MYO5B: variants seen among roughly 807,000 people sequenced by gnomAD.
MYO5B encodes the protein myosin VB, also known as unconventional myosin-Vb.
MYO5B carries 143 observed loss-of-function variants against 229.3 expected under a neutral mutation model. The ratio of observed to expected loss-of-function variants is 0.62; its 90% CI spans 0.54 to 0.72. MYO5B has a LOEUF of 0.72. MYO5B is among the 30% of genes least tolerant of loss of function. MYO5B has a pLI of 0.00. For synonymous variants in MYO5B, 918 were observed against 885.2 expected (o/e 1.04, Z -0.66); for missense variants, 2,321 against 2,331.0 (o/e 1.00, Z 0.09).
At chr18:49,890,448 C>G (rs2144123497) in intron 22 of MYO5B, among the ~76,000 whole-genome samples, 1 of 152,296 alleles carries the variant, frequency 6.6e-6, no homozygotes, top group Non-Finnish European at 1.5e-5. Flanking sequence ...TTATTTGGGA[C>G]AGCTTATCAG....
At chr18:50,100,306 A>C (rs966368630) in intron 1 of MYO5B, among the ~76,000 whole-genome samples, 1 of 152,212 alleles carries the variant, frequency 6.6e-6, no homozygotes, top group Admixed American at 6.5e-5. Context: ...TGTCACACTG[A>C]AGGCAGGAAC....
At chr18:50,015,868 A>C (rs1416400532) in intron 4 of MYO5B, among the ~76,000 whole-genome samples, 1 of 152,110 alleles carries the variant, frequency 6.6e-6, no homozygotes, top group East Asian at 1.9e-4. Flanking sequence ...GCTCCATGGG[A>C]TATTTGGTAA....
rs142336186 is a variant in MYO5B, at chr18:49,866,337, G to T, written c.3604-1957C>A. On this transcript the variant is annotated intron_variant, in intron 27 of 39. Transcript: ENST00000285039. ...GCCCACCTCGGCCTCCCAAAGTGCTGGGATTACAGGCATGAGCCGCCACGC... is the reference window on the plus strand; with the variant it reads ...GCCCACCTCGGCCTCCCAAAGTGCTTGGATTACAGGCATGAGCCGCCACGC... Among the ~76,000 whole-genome samples the T allele has an allele frequency of 5.9e-3, 891 of 152,154 alleles. 3 individuals carry two copies. The highest frequency in any genetic ancestry group is 0.021 in the African/African-American group (869 of 41,502).
intron 35 of MYO5B, chr18:49,839,941 A>C (rs2024036799): frequency 6.4e-6 from 1 of 156,462 alleles, no homozygotes; most frequent in Non-Finnish European, 1.4e-5. Flanking sequence ...TAGTGCTCCC[A>C]AAAGGGCAAC....
intron 21 of MYO5B, among the ~76,000 whole-genome samples, chr18:49,900,286 T>C: frequency 6.6e-6 from 1 of 152,246 alleles, no homozygotes; most frequent in East Asian, 1.9e-4. Context: ...AGCAGACCTT[T>C]TCCTTTGCAC....
intron 16 of MYO5B, among the ~76,000 whole-genome samples, chr18:49,934,787 C>A (rs556183015): frequency 6.6e-6 from 1 of 152,220 alleles, no homozygotes; most frequent in Admixed American, 6.5e-5. Context: ...GTCTCCTTAA[C>A]CTTTTCCACA....
At chr18:50,007,581 C>A (rs576318351) in intron 4 of MYO5B, among the ~76,000 whole-genome samples, 20 of 152,308 alleles carry the variant, frequency 1.3e-4, no homozygotes, top group African/African-American at 4.8e-4. Flanking sequence ...GACCGAGCAC[C>A]TCTCTCCAGC....
In MYO5B at chr18:49,991,751, C is replaced by T. The variant is rs575664588; in HGVS notation, c.756+537G>A. Among the ~76,000 whole-genome samples the T allele has an allele frequency of 8.5e-5, 13 of 152,228 alleles. No homozygotes were observed. The East Asian group carries it at 2.5e-3, about 29-fold the overall frequency. Reference sequence around the variant, plus strand: ...TGATGAGGTGATGGGTGCAGCAAACCACCATGGCATGTGTATACCTATGTA... The same window carrying T: ...TGATGAGGTGATGGGTGCAGCAAACTACCATGGCATGTGTATACCTATGTA... On this transcript the variant is annotated intron_variant, in intron 6 of 39. Transcript: ENST00000285039.
intron 1 of MYO5B, among the ~76,000 whole-genome samples, chr18:50,098,451 C>A (rs1425812716): frequency 6.6e-6 from 1 of 152,120 alleles, no homozygotes. Flanking sequence ...AAAATATCTA[C>A]TGGTTACTAG....
intron 14 of MYO5B, among the ~76,000 whole-genome samples, chr18:49,940,107 T>A (rs761102140): frequency 6.6e-6 from 1 of 152,190 alleles, no homozygotes; most frequent in African/African-American, 2.4e-5. Context: ...AACAGCATCA[T>A]GCCAAGAGCT....
Position 49,907,444 on chromosome 18 carries a change from T to G in MYO5B, c.2203-814A>C, listed in dbSNP as rs116026568. Among the ~76,000 whole-genome samples, 451 of 152,272 alleles carry G rather than the reference T, an allele frequency of 3.0e-3. 4 individuals carry two copies. Among genetic ancestry groups the G allele is most frequent in the African/African-American group, 9.3e-3 (388 of 41,550 alleles). ...GTTGCCCTTCCCTGGGCTCACCCCTTTGGATGAGGAAAGACAACCCAGCAG... is the reference window on the plus strand; with the variant it reads ...GTTGCCCTTCCCTGGGCTCACCCCTGTGGATGAGGAAAGACAACCCAGCAG... On this transcript the variant is annotated intron_variant, in intron 18 of 39. Coordinates refer to ENST00000285039, the MANE Select transcript of MYO5B (RefSeq NM_001080467.3).
intron 7 of MYO5B, among the ~76,000 whole-genome samples, chr18:49,988,390 A>C (rs188189285): frequency 6.6e-6 from 1 of 152,206 alleles, no homozygotes; most frequent in Admixed American, 6.5e-5. Flanking sequence ...CTCAGAGGGC[A>C]CATGAAGGTG....
At chr18:50,141,148 T>A (rs1246081769) in intron 1 of MYO5B, among the ~76,000 whole-genome samples, 2 of 152,146 alleles carry the variant, frequency 1.3e-5, no homozygotes, top group African/African-American at 2.4e-5. Flanking sequence ...TACTGAGGAC[T>A]AGCTAAAAAA....
Position 49,980,688 on chromosome 18 carries a change from C to T in MYO5B, c.947-135G>A. 4 of 691,662 alleles carry T rather than the reference C, an allele frequency of 5.8e-6. No individual in the cohort carries two copies. In the South Asian group the frequency reaches 6.3e-5, roughly 11 times the overall value. 42.8% of individuals were successfully genotyped at this position (691,662 alleles called of 1,614,324 possible). A position where few individuals can be genotyped will look rare whatever the true frequency, so the allele number is the denominator to read the frequency against. ...CTGACCCGATGACTCCTAAAATGAT[C>T]CAGGCTCCTCACCAAGTAATTACCA... On this transcript the variant is annotated intron_variant, in intron 8 of 39. Coordinates refer to ENST00000285039, the MANE Select transcript of MYO5B (RefSeq NM_001080467.3).
chr18:50,043,318 TAAAA>T (rs2030086618), intron 2 of MYO5B, among the ~76,000 whole-genome samples: 2 of 98,776 alleles, frequency 2.0e-5, no homozygotes, highest in African/African-American at 8.2e-5. Context: ...TATAAATATA[TAAAA>T]TATATATTTT....
intron 1 of MYO5B, among the ~76,000 whole-genome samples, chr18:50,150,636 G>A (rs2032583697): frequency 1.3e-5 from 2 of 152,136 alleles, no homozygotes; most frequent in Admixed American, 6.5e-5. Flanking sequence ...TGAACAATGG[G>A]AACACATGGA....
chr18:49,878,585 C>T (rs930483657), intron 24 of MYO5B, among the ~76,000 whole-genome samples: 4 of 152,150 alleles, frequency 2.6e-5, no homozygotes, highest in African/African-American at 4.8e-5. Flanking sequence ...CACAATCAGG[C>T]CCTTGTGGGT....
chr18:50,146,032 T>C (rs1568123993), intron 1 of MYO5B, among the ~76,000 whole-genome samples: 1 of 152,252 alleles, frequency 6.6e-6, no homozygotes. Flanking sequence ...ACTATGTCAC[T>C]TCCCTAGAAG....
In MYO5B at chr18:50,105,089, G is replaced by C. The variant is rs115120639; in HGVS notation, c.28-49711C>G. ...GGAGAATGGTTTCCCTATTGACTGG[G>C]ATACTTACAAAGGAAACCAAGGTAG... On this transcript the variant is annotated intron_variant, in intron 1 of 39. Transcript: ENST00000285039. Among the ~76,000 whole-genome samples the C allele has an allele frequency of 7.1e-3, 1,081 of 151,890 alleles. 8 individuals carry two copies. The highest frequency in any genetic ancestry group is 0.025 in the African/African-American group (1,024 of 41,382).
Sources: allele counts gnomAD v4.1 joint callset (sites outside exome capture counted in the v4.1 genomes callset), GRCh38; gene constraint gnomAD v4.1.1; transcripts MANE v1.5; gene names NCBI Gene and HGNC (gene_info 2026-07-23, HGNC 2026-07-21).